The following DSG4 variants were observed in gnomAD, a reference collection of about 807,000 sequenced individuals.
The protein encoded by DSG4 is desmoglein-4.
DSG4 carries 87 observed loss-of-function variants against 93.1 expected under a neutral mutation model. The observed-to-expected ratio is 0.93, with a 90% CI of 0.79 to 1.12. The LOEUF (loss-of-function observed/expected upper bound fraction) is 1.12. Ranked by LOEUF, DSG4 falls within the 50% of genes most tolerant of loss-of-function variation. The probability of loss-of-function intolerance (pLI) is 0.00; values close to 1 mark genes in which losing one functional copy is unlikely to be tolerated. For missense variants in DSG4, 1,373 were observed against 1,285.7 expected (o/e 1.07, Z -1.04); for synonymous variants, 432 against 452.9 (o/e 0.95, Z 0.59).
chr18:31,413,079 T>C lies in DSG4; in HGVS notation c.2607T>C (p.Pro869=). The C allele has an allele frequency of 6.2e-7, 1 of 1,614,176 alleles. No homozygotes were observed. Among genetic ancestry groups the C allele is most frequent in the Non-Finnish European group, 8.5e-7 (1 of 1,180,038 alleles). ...GTATACCAATCAGTACTGACCTCCC[T>C]TTGCTCGGACCTAATTACTTTGTTA... ...QACIPISTDL[P]LLGPNYFVNE... is the part of the protein sequence containing the mutation. The change falls in exon 16 of 16, where the codon CCT becomes CCC. Residue 869 remains proline, a synonymous_variant. Transcript: ENST00000308128.
chr18:31,413,629 T>G lies in DSG4; in HGVS notation c.*34T>G. On this transcript the variant is annotated 3_prime_UTR_variant, in exon 16 of 16. Coordinates refer to ENST00000308128, the MANE Select transcript of DSG4 (RefSeq NM_177986.5). ...TGGTCAGTATTCTATGTGGAGACCT[T>G]GCACCTTGTAATCATCAATACATCC... 6.2e-7 allele frequency: 1 copy of G among 1,606,750 alleles called. No homozygotes were observed. The highest frequency in any genetic ancestry group is 2.2e-5 in the East Asian group (1 of 44,876).
Position 31,409,446 on chromosome 18 carries a change from G to C in DSG4, c.1934-6G>C. ...GTTAACTCGACATTGTCACTTTCTT[G>C]GGCAGTGGCTCCACTCTTGCTGCTC... is the stretch of plus-strand genomic sequence containing the variant. On this transcript the variant is annotated splice_region_variant and splice_polypyrimidine_tract_variant and intron_variant, in intron 12 of 15. Transcript: ENST00000308128. The C allele has an allele frequency of 6.2e-7, 1 of 1,614,036 alleles. No homozygotes were observed. Among genetic ancestry groups the C allele is most frequent in the Non-Finnish European group, 8.5e-7 (1 of 1,180,022 alleles).
intron 15 of DSG4, 127 bp downstream of exon 15, chr18:31,411,575 T>TAAAA (rs2072494195): frequency 9.4e-6 from 11 of 1,170,700 alleles, no homozygotes; most frequent in Non-Finnish European, 1.3e-5. Flanking sequence ...CAAACCTGAA[T>TAAAA]AAAAAGTATT....
chr18:31,392,422 G>T, intron 8 of DSG4, 82 bp downstream of exon 8: 1 of 1,453,404 alleles, frequency 6.9e-7, no homozygotes, highest in Non-Finnish European at 9.5e-7. Context: ...GACAGAATCT[G>T]CCTTTAAAAA....
chr18:31,413,811 G>A lies in DSG4; in HGVS notation c.*216G>A, dbSNP rs577812470. ...AATTCTTTCTGATTTTAAATAATGC[G>A]TCAAAAAATGTGCAGAAAATGTATT... On this transcript the variant is annotated 3_prime_UTR_variant, in exon 16 of 16. Transcript: ENST00000308128. 1.1e-4 allele frequency: 61 copies of A among 567,822 alleles called. No homozygotes were observed. Among genetic ancestry groups the A allele is most frequent in the East Asian group, 4.9e-4 (14 of 28,670 alleles). The allele number at this position is 567,822 out of a possible 1,614,324, so 35.2% of individuals were successfully genotyped here.
rs755934013 is a variant in DSG4 at position 31,388,946 on chromosome 18, G to A, written c.445G>A (p.Asp149Asn). 7 of 1,613,438 alleles carry A rather than the reference G, an allele frequency of 4.3e-6. No individual in the cohort carries two copies. The highest frequency in any genetic ancestry group is 1.7e-5 in the Admixed American group (1 of 59,950). Residue 149 changes from aspartate to asparagine, a missense_variant, in exon 5 of 16, where the codon GAC becomes AAC. By Grantham distance (23) the Asp-to-Asn change is conservative. Coordinates refer to ENST00000308128, the MANE Select transcript of DSG4 (RefSeq NM_177986.5). Reference protein sequence around the residue: ...RPLELRVKVMDINDNAPVFSQ... With the variant: ...RPLELRVKVMNINDNAPVFSQ... Reference sequence around the variant, plus strand: ...TCTTGAGCTTAGAGTCAAAGTTATGGACATAAATGATAACGCTCCAGTCTT... The same window carrying A: ...TCTTGAGCTTAGAGTCAAAGTTATGAACATAAATGATAACGCTCCAGTCTT...
intron 9 of DSG4, among the ~76,000 whole-genome samples, 181 bp downstream of exon 9, chr18:31,399,724 T>C (rs1301881718): frequency 6.6e-6 from 1 of 152,250 alleles, no homozygotes; most frequent in Non-Finnish European, 1.5e-5. Context: ...GAGGCTTCAA[T>C]AATGTAAGGG....
In DSG4 at chr18:31,400,897, G is replaced by C. The variant is rs370221867; in HGVS notation, c.1294G>C (p.Asp432His). The C allele has an allele frequency of 3.1e-6, 5 of 1,612,382 alleles. No homozygotes were observed. The African/African-American group carries it at 6.7e-5, about 22-fold the overall frequency. Residue 432 changes from aspartate (D) to histidine (H), a missense_variant, in exon 10 of 16, where the codon GAT (aspartate) becomes CAT (histidine). Transcript: ENST00000308128. Reference sequence around the variant, plus strand: ...TAAAAACAGATATATCATAGGGCATGATGCAGGCAGCTGGTTAAAAATTGA... The same window carrying C: ...TAAAAACAGATATATCATAGGGCATCATGCAGGCAGCTGGTTAAAAATTGA... Reference protein sequence around the residue: ...ATDVRYIIGHDAGSWLKIDSR... With the variant: ...ATDVRYIIGHHAGSWLKIDSR...
intron 8 of DSG4, 77 bp from the exon 9 acceptor site, chr18:31,399,195 T>G: frequency 1.3e-6 from 2 of 1,586,172 alleles, no homozygotes; most frequent in Admixed American, 3.4e-5. Context: ...GTGTGTGGTT[T>G]GCTTTACCAT....
chr18:31,378,964 G>A (rs1311062330), intron 1 of DSG4, among the ~76,000 whole-genome samples: 1 of 152,134 alleles, frequency 6.6e-6, no homozygotes, highest in East Asian at 1.9e-4. Flanking sequence ...GGGTGTGGCA[G>A]CCTCTCAGAG....
chr18:31,409,625 A>C (rs1257170962), intron 13 of DSG4, 34 bp downstream of exon 13: 4 of 1,614,118 alleles, frequency 2.5e-6, no homozygotes, highest in Non-Finnish European at 2.5e-6. Flanking sequence ...AGAAGTGTGG[A>C]GTTTCAGTGG....
chr18:31,413,298 T>C lies in DSG4; in HGVS notation c.2826T>C (p.Pro942=). ...NVVVTEAVMA[P]VYDIQGNICV... is the part of the protein sequence containing the mutation. ...TAGTAACCGAAGCAGTAATGGCACC[T>C]GTCTATGATATTCAAGGGAATATTT... is the stretch of plus-strand genomic sequence containing the variant. Residue 942 remains proline (P), a synonymous_variant, in exon 16 of 16, where the codon CCT becomes CCC. Coordinates refer to ENST00000308128, the MANE Select transcript of DSG4 (RefSeq NM_177986.5). The C allele has an allele frequency of 6.2e-7, 1 of 1,614,192 alleles. No individual in the cohort carries two copies. Among genetic ancestry groups the C allele is most frequent in the South Asian group, 1.1e-5 (1 of 91,080 alleles).
At chr18:31,400,083 A>G (rs564596356) in intron 9 of DSG4, among the ~76,000 whole-genome samples, 1 of 152,194 alleles carries the variant, frequency 6.6e-6, no homozygotes, top group East Asian at 1.9e-4. Context: ...AGGTACCTAG[A>G]TTATATGTGA....
intron 1 of DSG4, 101 bp downstream of exon 1, chr18:31,377,060 C>T (rs547846016): frequency 1.6e-6 from 2 of 1,280,772 alleles, no homozygotes; most frequent in South Asian, 2.5e-5. Context: ...TTTTTAATCT[C>T]CTTCCTGCAA....
intron 15 of DSG4, among the ~76,000 whole-genome samples, 196 bp from the exon 16 acceptor site, chr18:31,412,632 A>G (rs2072506557): frequency 6.6e-6 from 1 of 152,196 alleles, no homozygotes; most frequent in African/African-American, 2.4e-5. Context: ...TGTAAACTAT[A>G]TCTTAAAATT....
rs796403610 is a variant in DSG4 at position 31,397,368 on chromosome 18, TC to T, written c.1006-1900del. Among the ~76,000 whole-genome samples, 3 of 152,262 alleles carry T rather than the reference TC, an allele frequency of 2.0e-5. No homozygotes were observed. In the South Asian group the frequency reaches 6.2e-4, roughly 32 times the overall value. On this transcript the variant is annotated intron_variant, in intron 8 of 15. Coordinates refer to ENST00000308128, the MANE Select transcript of DSG4 (RefSeq NM_177986.5). Reference sequence around the variant, plus strand: ...TTCCTTAAACTGCAGAGACTGAGTTTCCCCAGCCTCTCCCTTTACTTTATGA... The same window carrying T: ...TTCCTTAAACTGCAGAGACTGAGTTTCCCAGCCTCTCCCTTTACTTTATGA...
At chr18:31,397,147 G>A (rs1048398209) in intron 8 of DSG4, among the ~76,000 whole-genome samples, 9 of 152,148 alleles carry the variant, frequency 5.9e-5, no homozygotes, top group African/African-American at 1.9e-4. Flanking sequence ...CAAAAAAATT[G>A]GATGTGAGAA....
In DSG4 at chr18:31,386,802, A is replaced by G. The variant is rs1020503126; in HGVS notation, c.199A>G (p.Arg67Gly). Residue 67 changes from arginine to glycine, a missense_variant, in exon 3 of 16, where the codon AGG becomes GGG. Transcript: ENST00000308128. ...ACREGEDNSK[R>G]NPIAKIRSDC... ...TCGAGAAGGAGAGGACAACTCGAAGAGGAACCCCATTGCCAAAGTAAGTGA... is the reference window on the plus strand; with the variant it reads ...TCGAGAAGGAGAGGACAACTCGAAGGGGAACCCCATTGCCAAAGTAAGTGA... The G allele has an allele frequency of 6.2e-7, 1 of 1,613,328 alleles. No individual in the cohort carries two copies.
At chr18:31,412,695 A>G (rs2072507395) in intron 15 of DSG4, 133 bp from the exon 16 acceptor site, 3 of 887,946 alleles carry the variant, frequency 3.4e-6, no homozygotes, top group African/African-American at 1.7e-5. Flanking sequence ...AATTATTTTA[A>G]TGAGTGATTG....
Sources: allele counts gnomAD v4.1 joint callset (sites outside exome capture counted in the v4.1 genomes callset), GRCh38; gene constraint gnomAD v4.1.1; transcripts MANE v1.5; gene names NCBI Gene and HGNC (gene_info 2026-07-23, HGNC 2026-07-21).